TMEM229B: variants seen among roughly 807,000 people sequenced by gnomAD.
TMEM229B encodes the protein transmembrane protein 229B.
A neutral mutation model predicts 13.7 loss-of-function variants in TMEM229B; 6 were observed. The ratio of observed to expected loss-of-function variants is 0.44; its 90% confidence interval spans 0.24 to 0.86. The LOEUF (loss-of-function observed/expected upper bound fraction) is 0.86, where lower values mean the gene tolerates loss of function less well. Ranked by LOEUF, TMEM229B falls within the 40% of genes least tolerant of loss-of-function variation. The pLI, the probability that TMEM229B is intolerant of heterozygous loss-of-function variation, is 0.23. For missense variants in TMEM229B, 170 were observed against 236.0 expected, an observed-to-expected ratio of 0.72 and a Z score of 1.83; for synonymous variants, 107 against 102.1, an observed-to-expected ratio of 1.05 and a Z score of -0.29.
At chr14:67,510,719 T>C (rs1273568982) in intron 1 of TMEM229B, among the ~76,000 whole-genome samples, 6 of 152,092 alleles carry the variant, frequency 3.9e-5, no homozygotes, top group Non-Finnish European at 5.9e-5. Context: ...GCCTTTTTGA[T>C]TGGGAACAAG....
chr14:67,477,765 C>A (rs534428305), intron 2 of TMEM229B, among the ~76,000 whole-genome samples: 1 of 152,322 alleles, frequency 6.6e-6, no homozygotes, highest in South Asian at 2.1e-4. Flanking sequence ...GACTCTGTCT[C>A]TAAAAAATAA....
chr14:67,514,962 G>A (rs2273597), intron 1 of TMEM229B: 6,226 of 135,518 alleles, frequency 0.046, 165 homozygotes, highest in Non-Finnish European at 0.07. Flanking sequence ...CCCCAAGTCC[G>A]GTCGCCCAGT....
intron 2 of TMEM229B, among the ~76,000 whole-genome samples, chr14:67,483,007 TTTTG>T (rs781693530): frequency 9.2e-5 from 14 of 152,138 alleles, no homozygotes; most frequent in South Asian, 2.1e-4. Context: ...TACGTTCTTT[TTTTG>T]TTTGTTTTTT....
upstream of TMEM229B, among the ~76,000 whole-genome samples, chr14:67,490,180 A>G (rs2032109584): frequency 6.6e-6 from 1 of 152,070 alleles, no homozygotes; most frequent in Non-Finnish European, 1.5e-5. Context: ...GTTTTTCTCT[A>G]ATTTATAGGC....
chr14:67,512,682 G>C (rs1487541804), intron 1 of TMEM229B, among the ~76,000 whole-genome samples: 1 of 152,086 alleles, frequency 6.6e-6, no homozygotes, highest in Admixed American at 6.5e-5. Flanking sequence ...CCTTACCCAG[G>C]TCTTTCCTTA....
intron 2 of TMEM229B, among the ~76,000 whole-genome samples, chr14:67,484,963 C>T (rs1253855342): frequency 1.3e-5 from 2 of 152,082 alleles, no homozygotes; most frequent in African/African-American, 4.8e-5. Context: ...GTGTAATATT[C>T]CAGCAAGCGG....
At chr14:67,516,124 A>G (rs2033195288), upstream of TMEM229B, among the ~76,000 whole-genome samples, 1 of 152,194 alleles carries the variant, frequency 6.6e-6, no homozygotes, top group South Asian at 2.1e-4. Context: ...CTGACTTGAG[A>G]CAGGCCCCTT....
At chr14:67,504,659 G>A (rs552809340) in intron 1 of TMEM229B, among the ~76,000 whole-genome samples, 34 of 152,262 alleles carry the variant, frequency 2.2e-4, no homozygotes, top group African/African-American at 8.2e-4. Context: ...GGCCGAGGTG[G>A]GTGGATCACG....
At chr14:67,508,613 T>C (rs1254128165) in intron 1 of TMEM229B, among the ~76,000 whole-genome samples, 1 of 151,344 alleles carries the variant, frequency 6.6e-6, no homozygotes, top group Non-Finnish European at 1.5e-5. Flanking sequence ...CCAGGTGTAG[T>C]TCTGCACCTG....
At chr14:67,502,587 G>A (rs981266875) in intron 1 of TMEM229B, among the ~76,000 whole-genome samples, 3 of 151,144 alleles carry the variant, frequency 2.0e-5, no homozygotes, top group Admixed American at 2.0e-4. Context: ...TGAGTAGCTG[G>A]GATTACAGCC....
intron 1 of TMEM229B, among the ~76,000 whole-genome samples, chr14:67,526,095 T>C (rs1031074718): frequency 5.9e-5 from 9 of 152,222 alleles, no homozygotes; most frequent in African/African-American, 2.2e-4. Flanking sequence ...TCCACTTTAG[T>C]AGTTCCTCTT....
At chr14:67,533,146 G>A (rs1362640450) in intron 1 of TMEM229B, among the ~76,000 whole-genome samples, 1 of 152,160 alleles carries the variant, frequency 6.6e-6, no homozygotes, top group Non-Finnish European at 1.5e-5. Flanking sequence ...GGGAGCCGAG[G>A]GGAGGAGGGC....
chr14:67,528,016 T>G (rs1053025202), intron 1 of TMEM229B, among the ~76,000 whole-genome samples: 3 of 152,198 alleles, frequency 2.0e-5, no homozygotes, highest in Admixed American at 6.5e-5. Context: ...TGGCCCACTG[T>G]GGACACTCGG....
At chr14:67,525,359 T>C (rs1433560190) in intron 1 of TMEM229B, among the ~76,000 whole-genome samples, 1 of 152,256 alleles carries the variant, frequency 6.6e-6, no homozygotes, top group Non-Finnish European at 1.5e-5. Context: ...TAATTCTTCA[T>C]CATACATTTT....
chr14:67,485,333 C>T (rs966465492), intron 2 of TMEM229B, among the ~76,000 whole-genome samples: 1 of 152,226 alleles, frequency 6.6e-6, no homozygotes, highest in African/African-American at 2.4e-5. Context: ...CTCAAGAACA[C>T]ACTTCCTGAG....
chr14:67,501,051 T>G (rs574082681), intron 1 of TMEM229B, among the ~76,000 whole-genome samples: 4 of 125,178 alleles, frequency 3.2e-5, no homozygotes, highest in African/African-American at 5.9e-5. Context: ...GGGTTAATAA[T>G]AATAATAATA....
rs72719192 is a variant in TMEM229B at position 67,501,351 on chromosome 14, C to T, written c.-192+13735G>A. ...CAAAATATTTAGTAATCAAGATAAA[C>T]GATACCTTATTATTTTTATTTATTT... is the stretch of plus-strand genomic sequence containing the variant. On this transcript the variant is annotated intron_variant, in intron 1 of 2. Transcript: ENST00000357461. Among the ~76,000 whole-genome samples the T allele has an allele frequency of 3.1e-3, 473 of 152,044 alleles. 3 individuals are homozygous for T. The highest frequency in any genetic ancestry group is 3.9e-3 in the Non-Finnish European group (264 of 67,976).
At chr14:67,526,561 G>A (rs930493633) in intron 1 of TMEM229B, among the ~76,000 whole-genome samples, 16 of 152,118 alleles carry the variant, frequency 1.1e-4, no homozygotes, top group African/African-American at 3.4e-4. Context: ...CTGAAACGAC[G>A]CAAAATTGAA....
intron 1 of TMEM229B, among the ~76,000 whole-genome samples, chr14:67,526,133 C>G (rs989489170): frequency 8.5e-5 from 13 of 152,234 alleles, no homozygotes; most frequent in African/African-American, 2.4e-4. Flanking sequence ...AATCCAGAAC[C>G]TATAAATGCA....
Sources: allele counts gnomAD v4.1 joint callset (sites outside exome capture counted in the v4.1 genomes callset), GRCh38; gene constraint gnomAD v4.1.1; transcripts MANE v1.5; gene names NCBI Gene and HGNC (gene_info 2026-07-23, HGNC 2026-07-21).